Variants in MECOM observed in about 807,000 individuals in gnomAD.
MECOM encodes the protein MDS1 and EVI1 complex locus.
MECOM carries 13 observed loss-of-function variants against 116.3 expected under a neutral mutation model. The ratio of observed to expected loss-of-function variants is 0.11; its 90% CI spans 0.07 to 0.18. The LOEUF (loss-of-function observed/expected upper bound fraction) is 0.18. Among genes scored for constraint, MECOM ranks in the 10% least tolerant of loss-of-function variants. The probability of loss-of-function intolerance (pLI) is 1.00; values close to 1 mark genes in which losing one functional copy is unlikely to be tolerated. For missense variants in MECOM, 1,299 were observed against 1,509.0 expected, an observed-to-expected ratio of 0.86 and a Z score of 2.31; for synonymous variants, 528 against 535.2, an observed-to-expected ratio of 0.99 and a Z score of 0.19.
intron 2 of MECOM, chr3:169,145,474 C>G (rs1401983319): frequency 4.3e-6 from 1 of 231,378 alleles, no homozygotes; most frequent in Admixed American, 5.6e-5. Flanking sequence ...TTGGTTTGTT[C>G]AGTCTGTTTG....
chr3:169,102,249 C>G (rs891497146), intron 10 of MECOM, 23 bp from the exon 11 acceptor site: 25 of 1,590,414 alleles, frequency 1.6e-5, no homozygotes, highest in Non-Finnish European at 2.1e-5. Context: ...AGCACAAGAC[C>G]ATGAAGCGTT....
chr3:169,515,232 T>C (rs1219394519), intron 1 of MECOM, among the ~76,000 whole-genome samples: 2 of 152,112 alleles, frequency 1.3e-5, no homozygotes, highest in Non-Finnish European at 2.9e-5. Flanking sequence ...GATTGTACCA[T>C]AGGCCAGATC....
chr3:169,438,291 G>A (rs1187021395), intron 1 of MECOM, among the ~76,000 whole-genome samples: 1 of 151,934 alleles, frequency 6.6e-6, no homozygotes, highest in African/African-American at 2.4e-5. Flanking sequence ...TAAATCATAA[G>A]TATTCAAGTT....
intron 2 of MECOM, among the ~76,000 whole-genome samples, chr3:169,332,419 G>T (rs1489521072): frequency 2.0e-5 from 3 of 152,186 alleles, no homozygotes; most frequent in Admixed American, 6.6e-5. Flanking sequence ...TGACAGGCAG[G>T]CCAATGTAAA....
At chr3:169,087,734 T>C (rs1363151873) in intron 16 of MECOM, among the ~76,000 whole-genome samples, 1 of 152,120 alleles carries the variant, frequency 6.6e-6, no homozygotes, top group African/African-American at 2.4e-5. Context: ...TAAGTAAAAA[T>C]GAAATGTCTA....
intron 2 of MECOM, among the ~76,000 whole-genome samples, chr3:169,263,489 ACT>A (rs1757884617): frequency 2.0e-5 from 3 of 149,542 alleles, no homozygotes; most frequent in African/African-American, 7.5e-5. Context: ...CCTAGGTGTG[ACT>A]CTCTCTTTTG....
chr3:169,145,234 TAAC>T (rs1739503972), intron 2 of MECOM: 1 of 513,532 alleles, frequency 1.9e-6, no homozygotes. Flanking sequence ...CTCTTCACAC[TAAC>T]AACGACAGAA....
chr3:169,366,386 C>G (rs180820084), intron 2 of MECOM, among the ~76,000 whole-genome samples: 1 of 151,828 alleles, frequency 6.6e-6, no homozygotes, highest in Admixed American at 6.6e-5. Flanking sequence ...AATAATACTA[C>G]CTCAAACTAG....
rs922648483 is a variant in MECOM, at chr3:169,477,330, G to T, written c.38-95806C>A. Reference sequence around the variant, plus strand: ...GACCCTCATCAGCTTTTATCTTTGCGCCCCGTCATTCTCCCATGGGCAAAG... The same window carrying T: ...GACCCTCATCAGCTTTTATCTTTGCTCCCCGTCATTCTCCCATGGGCAAAG... On this transcript the variant is annotated intron_variant, in intron 1 of 16. Transcript: ENST00000651503. Among the ~76,000 whole-genome samples the T allele has an allele frequency of 3.3e-5, 5 of 151,186 alleles. No individual in the cohort carries two copies. The South Asian group carries it at 1.1e-3, about 32-fold the overall frequency.
At chr3:169,192,084 A>G (rs1747779377) in intron 2 of MECOM, among the ~76,000 whole-genome samples, 1 of 152,034 alleles carries the variant, frequency 6.6e-6, no homozygotes, top group South Asian at 2.1e-4. Context: ...GAACCTAAAA[A>G]TGAAAAATAC....
intron 1 of MECOM, among the ~76,000 whole-genome samples, chr3:169,662,910 G>A (rs1426758618): frequency 6.6e-6 from 1 of 151,576 alleles, no homozygotes; most frequent in Non-Finnish European, 1.5e-5. Context: ...CCCACACCCG[G>A]GACTAGCTGG....
At chr3:169,303,829 C>A (rs1290693125) in intron 2 of MECOM, among the ~76,000 whole-genome samples, 1 of 152,218 alleles carries the variant, frequency 6.6e-6, no homozygotes, top group African/African-American at 2.4e-5. Flanking sequence ...AGTTTATCTT[C>A]TTTCCTTTGG....
Position 169,402,450 on chromosome 3 carries a change from G to A in MECOM, c.38-20926C>T, listed in dbSNP as rs115975255. On this transcript the variant is annotated intron_variant, in intron 1 of 16. Transcript: ENST00000651503. ...CTGGAGATCAGAAGATCAGCATGGGGATGGTAGGAAAAAAATTTCATTCTT... is the reference window on the plus strand; with the variant it reads ...CTGGAGATCAGAAGATCAGCATGGGAATGGTAGGAAAAAAATTTCATTCTT... Among the ~76,000 whole-genome samples the A allele has an allele frequency of 9.0e-3, 1,367 of 152,252 alleles. 26 individuals are homozygous for A. The highest frequency in any genetic ancestry group is 0.032 in the African/African-American group (1,313 of 41,546).
chr3:169,312,735 C>T (rs1029161551), intron 2 of MECOM, among the ~76,000 whole-genome samples: 14 of 152,096 alleles, frequency 9.2e-5, no homozygotes, highest in African/African-American at 2.9e-4. Context: ...CTAGGAGGAG[C>T]AGGTCTGGGG....
chr3:169,199,258 T>G (rs1431758602), intron 2 of MECOM, among the ~76,000 whole-genome samples: 1 of 152,098 alleles, frequency 6.6e-6, no homozygotes, highest in South Asian at 2.1e-4. Context: ...GCTCTTTCTC[T>G]TCCGTCAGCA....
intron 2 of MECOM, among the ~76,000 whole-genome samples, chr3:169,181,935 G>A (rs1013466153): frequency 9.2e-5 from 14 of 152,174 alleles, no homozygotes; most frequent in Non-Finnish European, 1.9e-4. Context: ...AGGTTATTAT[G>A]AGAATTAAAT....
chr3:169,216,887 C>T (rs780024124), intron 2 of MECOM, among the ~76,000 whole-genome samples: 1 of 143,602 alleles, frequency 7.0e-6, no homozygotes, highest in East Asian at 2.0e-4. Context: ...AAGCTATCGC[C>T]GTGGCCACCA....
intron 2 of MECOM, among the ~76,000 whole-genome samples, chr3:169,190,670 G>A (rs1198524891): frequency 2.6e-5 from 4 of 151,964 alleles, no homozygotes; most frequent in African/African-American, 9.7e-5. Flanking sequence ...AATTTGAACA[G>A]ACATTTTTGT....
chr3:169,654,131 C>G (rs1198338378), intron 1 of MECOM, among the ~76,000 whole-genome samples: 2 of 152,292 alleles, frequency 1.3e-5, no homozygotes, highest in South Asian at 4.1e-4. Context: ...ACTGACAAGT[C>G]CCATGACTAC....
Sources: gnomAD v4.1 joint callset for allele counts (sites outside exome capture counted in the v4.1 genomes callset) on GRCh38, gnomAD v4.1.1 for gene constraint, MANE v1.5 for transcripts, NCBI Gene and HGNC (gene_info 2026-07-23, HGNC 2026-07-21) for gene names.